SUMF1: variants seen among roughly 807,000 people sequenced by gnomAD.
SUMF1 encodes the protein sulfatase modifying factor 1, also known as formylglycine-generating enzyme.
In SUMF1, 48 loss-of-function variants were observed where a neutral mutation model predicts 47.6. The ratio of observed to expected loss-of-function variants is 1.01; its 90% CI spans 0.80 to 1.28. The LOEUF is 1.28. Among genes scored for constraint, SUMF1 ranks in the 50% most tolerant of loss-of-function variants. The pLI is 0.00. For synonymous variants in SUMF1, 230 were observed against 192.1 expected, an observed-to-expected ratio of 1.20 and a Z score of -1.63; for missense variants, 571 against 485.4, an observed-to-expected ratio of 1.18 and a Z score of -1.66.
At chr3:4,186,838 T>A (rs1045039312) in intron 8 of SUMF1, among the ~76,000 whole-genome samples, 29 of 152,198 alleles carry the variant, frequency 1.9e-4, no homozygotes, top group African/African-American at 6.8e-4. Flanking sequence ...GAAGATGTAA[T>A]GAGCCACAAT....
At chr3:4,319,959 T>C (rs73119355) in intron 8 of SUMF1, among the ~76,000 whole-genome samples, 216 of 152,032 alleles carry the variant, frequency 1.4e-3, no homozygotes, top group African/African-American at 4.8e-3. Context: ...GACAAAACAA[T>C]AGAGAATAAA....
intron 8 of SUMF1, among the ~76,000 whole-genome samples, chr3:4,362,913 C>T (rs530594097): frequency 6.7e-6 from 1 of 150,208 alleles, no homozygotes; most frequent in Non-Finnish European, 1.5e-5. Flanking sequence ...GATCTTGTGT[C>T]CAAAAAAAGA....
At chr3:4,384,081 A>G (rs940616120) in intron 7 of SUMF1, among the ~76,000 whole-genome samples, 1 of 143,712 alleles carries the variant, frequency 7.0e-6, no homozygotes, top group South Asian at 2.1e-4. Context: ...CTACTTACCT[A>G]TTTACCATAT....
intron 8 of SUMF1, among the ~76,000 whole-genome samples, chr3:4,174,428 G>A (rs1002629889): frequency 1.3e-5 from 2 of 151,788 alleles, no homozygotes; most frequent in African/African-American, 4.8e-5. Context: ...CAGGGACAGT[G>A]GCTCATGCCT....
chr3:4,367,155 C>T lies in SUMF1; in HGVS notation c.1015-4901G>A, dbSNP rs9834617. 2.7e-3 allele frequency among the ~76,000 whole-genome samples: 416 copies of T among 152,282 alleles called. 2 individuals are homozygous for T. The highest frequency in any genetic ancestry group is 9.1e-3 in the African/African-American group (380 of 41,572). ...GGGGGGGTGCCTCACAGTTAGGCTG[C>T]TCGGGGGTCAGGGGTCAGGGACCCA... On this transcript the variant is annotated intron_variant, in intron 8 of 8. Coordinates refer to ENST00000272902, the MANE Select transcript of SUMF1 (RefSeq NM_182760.4).
rs370373627 is a variant in SUMF1, at chr3:4,200,493, C to T, written c.1015-131748G>A. Among the ~76,000 whole-genome samples, 15 of 152,172 alleles carry T rather than the reference C, an allele frequency of 9.9e-5. No homozygotes were observed. The South Asian group carries it at 2.9e-3, about 30-fold the overall frequency. On this transcript the variant is annotated intron_variant and NMD_transcript_variant, in intron 8 of 12. Coordinates refer to the SUMF1 transcript ENST00000448413. ...ATCATCAGAACTGCAGGTTTTCCAG[C>T]CTTTGAACTATGGGACTTGCACCAG...
chr3:4,407,113 C>CACACACACAG (rs1372589839), intron 7 of SUMF1, among the ~76,000 whole-genome samples: 2 of 148,854 alleles, frequency 1.3e-5, no homozygotes, highest in African/African-American at 4.9e-5. Context: ...CACACACACA[C>CACACACACAG]GTTAACACCA....
chr3:4,362,061 TG>T lies in SUMF1; in HGVS notation c.*82del. 1 of 1,357,038 alleles carries T rather than the reference TG, an allele frequency of 7.4e-7. No individual in the cohort carries two copies. The highest frequency in any genetic ancestry group is 1.0e-6 in the Non-Finnish European group (1 of 954,174). The allele number at this position is 1,357,038 out of a possible 1,614,324, so 84.1% of individuals were successfully genotyped here. On this transcript the variant is annotated 3_prime_UTR_variant, in exon 9 of 9. Transcript: ENST00000272902. ...CACCTCAGGGTGGGAATTCTTTGCA[TG>T]GGATCGTTCAAAGTTCTGAGAAAAG...
intron 1 of SUMF1, among the ~76,000 whole-genome samples, chr3:4,456,894 ATGTGTGTGTATATCTATATACGTG>A (rs2079650600): frequency 8.4e-6 from 1 of 119,622 alleles, no homozygotes; most frequent in South Asian, 2.8e-4. Flanking sequence ...GTGTATATAT[ATGTGTGTGTATATCTATATACGTG>A]TGTGTGTATA....
chr3:4,053,275 G>A (rs539311525), intron 9 of SUMF1, among the ~76,000 whole-genome samples: 2 of 152,094 alleles, frequency 1.3e-5, no homozygotes, highest in Admixed American at 6.6e-5. Flanking sequence ...TAAGTTTGCC[G>A]TCTTTTATGG....
intron 8 of SUMF1, among the ~76,000 whole-genome samples, chr3:4,115,641 A>T (rs563535449): frequency 6.6e-6 from 1 of 152,210 alleles, no homozygotes; most frequent in Admixed American, 6.5e-5. Context: ...GAGGGGGATA[A>T]GGGAACTTTC....
At chr3:4,309,472 G>T (rs1698319070) in intron 8 of SUMF1, among the ~76,000 whole-genome samples, 1 of 152,098 alleles carries the variant, frequency 6.6e-6, no homozygotes, top group South Asian at 2.1e-4. Flanking sequence ...GTATCAGTCA[G>T]GACTCATTTG....
intron 7 of SUMF1, among the ~76,000 whole-genome samples, chr3:4,389,707 G>A (rs750815483): frequency 2.6e-5 from 4 of 152,108 alleles, no homozygotes; most frequent in African/African-American, 7.2e-5. Context: ...CTAGTTGACA[G>A]TTCACTGATT....
chr3:4,423,120 T>C (rs1447926692), intron 3 of SUMF1, among the ~76,000 whole-genome samples: 3 of 152,196 alleles, frequency 2.0e-5, no homozygotes, highest in Non-Finnish European at 4.4e-5. Context: ...GAACTACCAC[T>C]TGATCCAGCA....
chr3:4,179,814 C>G (rs567613809), intron 8 of SUMF1, among the ~76,000 whole-genome samples: 18 of 152,174 alleles, frequency 1.2e-4, no homozygotes, highest in African/African-American at 4.1e-4. Flanking sequence ...GGCTAAGATC[C>G]AGAATCTACA....
At chr3:4,255,991 T>G (rs1283727860) in intron 8 of SUMF1, among the ~76,000 whole-genome samples, 1 of 148,858 alleles carries the variant, frequency 6.7e-6, no homozygotes, top group Non-Finnish European at 1.5e-5. Flanking sequence ...ACATGCAAAC[T>G]GAACAACCTG....
chr3:4,189,013 C>T (rs1391446232), intron 8 of SUMF1, among the ~76,000 whole-genome samples: 3 of 152,024 alleles, frequency 2.0e-5, no homozygotes, highest in Non-Finnish European at 4.4e-5. Context: ...CACATGGGTT[C>T]TAGCTCATAT....
intron 1 of SUMF1, 138 bp downstream of exon 1, chr3:4,466,838 T>TA: frequency 7.5e-7 from 1 of 1,329,736 alleles, no homozygotes; most frequent in South Asian, 1.4e-5. Flanking sequence ...GAACTCCTCA[T>TA]ACGGGAACAG....
chr3:4,452,104 T>C (rs1028938591), intron 2 of SUMF1, among the ~76,000 whole-genome samples: 1 of 150,906 alleles, frequency 6.6e-6, no homozygotes, highest in East Asian at 1.9e-4. Context: ...CATTTAATAA[T>C]AATTTACAAA....
Sources: gnomAD v4.1 joint callset for allele counts (sites outside exome capture counted in the v4.1 genomes callset) on GRCh38, gnomAD v4.1.1 for gene constraint, MANE v1.5 for transcripts, NCBI Gene and HGNC (gene_info 2026-07-23, HGNC 2026-07-21) for gene names.